The following MYT1L variants were observed in gnomAD, a reference collection of about 807,000 sequenced individuals.
MYT1L encodes myelin transcription factor 1-like protein.
In MYT1L, 12 loss-of-function variants were observed where a neutral mutation model predicts 126.7. That is an observed-to-expected ratio of 0.09 (90% CI 0.06 to 0.15). The LOEUF is 0.15. MYT1L is among the 10% of genes least tolerant of loss of function. The probability of loss-of-function intolerance (pLI) is 1.00; values close to 1 mark genes in which losing one functional copy is unlikely to be tolerated. For missense variants in MYT1L, 979 were observed against 1,585.2 expected (o/e 0.62, Z 6.49); for synonymous variants, 541 against 604.2 (o/e 0.90, Z 1.53).
At chr2:2,148,570 G>C (rs1559147926) in intron 3 of MYT1L, among the ~76,000 whole-genome samples, 1 of 152,214 alleles carries the variant, frequency 6.6e-6, no homozygotes, top group African/African-American at 2.4e-5. Context: ...GTTCCCTTTA[G>C]ATCCTAAGTC....
chr2:2,110,986 C>T (rs186828981), intron 3 of MYT1L, among the ~76,000 whole-genome samples: 23 of 152,308 alleles, frequency 1.5e-4, no homozygotes, highest in African/African-American at 4.1e-4. Flanking sequence ...CCCAGCACAG[C>T]CAGCTATGGG....
At chr2:2,060,199 T>C (rs1990853) in intron 3 of MYT1L, among the ~76,000 whole-genome samples, 3,501 of 152,326 alleles carry the variant, frequency 0.023, 130 homozygotes, top group African/African-American at 0.077. Context: ...AGTTTGGGAC[T>C]GTAGGGTCCC....
In MYT1L at chr2:2,228,426, A is replaced by G. The variant is rs983538473; in HGVS notation, c.-420-55438T>C. Among the ~76,000 whole-genome samples the G allele has an allele frequency of 2.0e-5, 3 of 152,214 alleles. No homozygotes were observed. The highest frequency in any genetic ancestry group is 7.2e-5 in the African/African-American group (3 of 41,462). On this transcript the variant is annotated intron_variant, in intron 2 of 24. Transcript: ENST00000647738. This position sits in a 1 kb window ranked among gnomAD's most constrained non-coding sequence, Gnocchi z 5.9. ...CTGTAGTGAATGAATGTCTTATCCA[A>G]AAGCAAACATTTTTTAATACTGTTA...
intron 23 of MYT1L, among the ~76,000 whole-genome samples, chr2:1,797,869 C>CTCTTCT (rs2033930414): frequency 1.3e-5 from 2 of 148,598 alleles, no homozygotes; most frequent in African/African-American, 2.5e-5. Flanking sequence ...GGCGGTCTCC[C>CTCTTCT]CCCATCCGGC....
At chr2:1,838,057 G>A (rs1263780397) in intron 21 of MYT1L, among the ~76,000 whole-genome samples, 1 of 151,888 alleles carries the variant, frequency 6.6e-6, no homozygotes, top group Non-Finnish European at 1.5e-5. Flanking sequence ...GATTACAGGC[G>A]CGTGCACCAC....
chr2:2,205,984 CTTTCT>C (rs1559334747), intron 2 of MYT1L, among the ~76,000 whole-genome samples: 30 of 145,774 alleles, frequency 2.1e-4, no homozygotes, highest in African/African-American at 7.1e-4. Flanking sequence ...CTTTTCTTTT[CTTTCT>C]TTTTTTTTTT....
intron 4 of MYT1L, among the ~76,000 whole-genome samples, chr2:2,000,732 C>A (rs533847907): frequency 1.3e-5 from 2 of 152,204 alleles, no homozygotes; most frequent in Non-Finnish European, 2.9e-5. Flanking sequence ...GAGCCCCAGG[C>A]ATTTTTTTTC....
At chr2:2,261,722 A>T (rs1005100930) in intron 2 of MYT1L, among the ~76,000 whole-genome samples, 1 of 152,138 alleles carries the variant, frequency 6.6e-6, no homozygotes, top group East Asian at 1.9e-4. Flanking sequence ...TCAGACCATT[A>T]AAATGTTAGG....
chr2:2,306,436 C>T (rs185704904), intron 1 of MYT1L, among the ~76,000 whole-genome samples: 12 of 152,256 alleles, frequency 7.9e-5, no homozygotes, highest in African/African-American at 1.2e-4. Flanking sequence ...GGAGTCTGGA[C>T]GTCTGGCTCC....
chr2:2,304,989 A>C (rs2095839999), intron 1 of MYT1L, among the ~76,000 whole-genome samples: 1 of 152,238 alleles, frequency 6.6e-6, no homozygotes, highest in South Asian at 2.1e-4. Context: ...TGAAGTTTGC[A>C]TAGAAGTATA....
rs2037949672 is a variant in MYT1L, at chr2:1,818,021, G to C, written c.3081-8854C>G. Among the ~76,000 whole-genome samples the C allele has an allele frequency of 2.0e-5, 3 of 152,302 alleles. No homozygotes were observed. In the South Asian group the frequency reaches 6.2e-4, roughly 32 times the overall value. ...TCTGGCACCAGGCGTCAGCACCAGG[G>C]ATTCCAGATGAAGGTTCCAGCGAAA... is the stretch of plus-strand genomic sequence containing the variant. On this transcript the variant is annotated intron_variant, in intron 21 of 24. Transcript: ENST00000647738.
intron 2 of MYT1L, among the ~76,000 whole-genome samples, chr2:2,185,554 T>C (rs9679674): frequency 2.8e-4 from 24 of 85,566 alleles, no homozygotes; most frequent in Non-Finnish European, 3.4e-4. Flanking sequence ...CCGGGCCTCC[T>C]CGAGTCCCGC....
intron 2 of MYT1L, among the ~76,000 whole-genome samples, chr2:2,261,168 TA>T (rs1293365056): frequency 1.3e-5 from 2 of 151,328 alleles, no homozygotes; most frequent in Non-Finnish European, 2.9e-5. Context: ...TGTGTGTGTG[TA>T]TGTGTTTCCA....
rs568052281 is a variant in MYT1L at position 1,955,156 on chromosome 2, A to G, written c.153-11822T>C. Reference sequence around the variant, plus strand: ...AGAGTCCATCTCAAAAAAAAAAAAAATATGATTCTACGAGCTACATGTTTG... The same window carrying G: ...AGAGTCCATCTCAAAAAAAAAAAAAGTATGATTCTACGAGCTACATGTTTG... On this transcript the variant is annotated intron_variant, in intron 8 of 24. Coordinates refer to ENST00000647738, the MANE Select transcript of MYT1L (RefSeq NM_001303052.2). 5.4e-4 allele frequency among the ~76,000 whole-genome samples: 81 copies of G among 151,254 alleles called. No individual in the cohort carries two copies. The South Asian group carries it at 0.016, about 30-fold the overall frequency.
rs546444200 is a variant in MYT1L, at chr2:2,233,290, A to G, written c.-421+51114T>C. Among the ~76,000 whole-genome samples the G allele has an allele frequency of 2.0e-5, 3 of 152,326 alleles. No individual in the cohort carries two copies. In the East Asian group the frequency reaches 5.8e-4, roughly 29 times the overall value. ...AAGGGGTGCCAGGACGACAGGATCCAAAAAGGAAGCAGAGCACGGGGCGCC... is the reference window on the plus strand; with the variant it reads ...AAGGGGTGCCAGGACGACAGGATCCGAAAAGGAAGCAGAGCACGGGGCGCC... On this transcript the variant is annotated intron_variant, in intron 2 of 24. Coordinates refer to ENST00000647738, the MANE Select transcript of MYT1L (RefSeq NM_001303052.2).
At chr2:2,028,794 T>C (rs550997444) in intron 4 of MYT1L, among the ~76,000 whole-genome samples, 1 of 152,278 alleles carries the variant, frequency 6.6e-6, no homozygotes, top group African/African-American at 2.4e-5. Context: ...CAAAGCACTT[T>C]ATGTCTTCAA....
rs185016379 is a variant in MYT1L at position 2,282,113 on chromosome 2, C to T, written c.-421+2291G>A. ...TTTTTAAAGTAAATGTATTGTAATGCTTTTCATACCATGTATCAGAGACTC... is the reference window on the plus strand; with the variant it reads ...TTTTTAAAGTAAATGTATTGTAATGTTTTTCATACCATGTATCAGAGACTC... On this transcript the variant is annotated intron_variant, in intron 2 of 24. Coordinates refer to ENST00000647738, the MANE Select transcript of MYT1L (RefSeq NM_001303052.2). Among the ~76,000 whole-genome samples the T allele has an allele frequency of 9.2e-5, 14 of 152,288 alleles. No homozygotes were observed. The East Asian group carries it at 2.5e-3, about 27-fold the overall frequency.
At position 1,934,307 on chromosome 2, in the gene MYT1L, T is replaced by TATATATATATATATACAC. The variant is rs71276816; in HGVS notation, c.505+8674_505+8675insGTGTATATATATATATAT. Among the ~76,000 whole-genome samples the TATATATATATATATACAC allele has an allele frequency of 3.1e-3, 406 of 132,150 alleles. 13 individuals carry two copies. The highest frequency in any genetic ancestry group is 4.7e-3 in the Non-Finnish European group (284 of 60,028). 86.7% of individuals were successfully genotyped at this position (132,150 alleles called of 152,430 possible). ...TTTTTATAACATATATATATATATA[T>TATATATATATATATACAC]ACAACCTCATATATGTAATTTATAG... On this transcript the variant is annotated intron_variant, in intron 9 of 24. Transcript: ENST00000647738.
intron 1 of MYT1L, chr2:2,306,013 C>T (rs1056435876): frequency 1.3e-5 from 2 of 152,142 alleles, no homozygotes; most frequent in African/African-American, 2.4e-5. Context: ...TGTCAATGAC[C>T]CCTTCATTTT....
Sources: allele counts gnomAD v4.1 joint callset (sites outside exome capture counted in the v4.1 genomes callset), GRCh38; gene constraint gnomAD v4.1.1; non-coding constraint Gnocchi (gnomAD v3.1); transcripts MANE v1.5; gene names NCBI Gene and HGNC (gene_info 2026-07-23, HGNC 2026-07-21).